Variants in LSAMP observed in about 807,000 individuals in gnomAD.
LSAMP encodes the protein limbic system-associated membrane protein.
A neutral mutation model predicts 38.6 loss-of-function variants in LSAMP; 7 were observed. That is an observed-to-expected ratio of 0.18 (90% CI 0.10 to 0.34). The LOEUF (loss-of-function observed/expected upper bound fraction) is 0.34, where lower values mean the gene tolerates loss of function less well. Among genes scored for constraint, LSAMP ranks in the 10% least tolerant of loss-of-function variants. The probability of loss-of-function intolerance (pLI) is 1.00; values close to 1 mark genes in which losing one functional copy is unlikely to be tolerated. For synonymous variants in LSAMP, 154 were observed against 166.8 expected, an observed-to-expected ratio of 0.92 and a Z score of 0.59; for missense variants, 313 against 420.0, an observed-to-expected ratio of 0.75 and a Z score of 2.23.
chr3:115,804,439 C>A lies in LSAMP; in HGVS notation c.*5878G>T, dbSNP rs1303560463. On this transcript the variant is annotated 3_prime_UTR_variant, in exon 7 of 7. Coordinates refer to ENST00000490035, the MANE Select transcript of LSAMP (RefSeq NM_002338.5). The stretch of plus-strand genomic sequence containing the variant: ...TTGTGGCTGAACTTGGGGTTAGAAC[C>A]CAATTCTCCTGACTCCCAATTCAAT... 6.6e-6 allele frequency: 1 copy of A among 152,118 alleles called. No homozygotes were observed. Among genetic ancestry groups the A allele is most frequent in the Non-Finnish European group, 1.5e-5 (1 of 68,012 alleles). The allele number at this position is 152,118 out of a possible 1,614,324, so 9.4% of individuals were successfully genotyped here. A position where few individuals can be genotyped will look rare whatever the true frequency, so the allele number is the denominator to read the frequency against.
chr3:115,919,996 G>A (rs1937345391), intron 3 of LSAMP, among the ~76,000 whole-genome samples: 1 of 149,356 alleles, frequency 6.7e-6, no homozygotes, highest in Non-Finnish European at 1.5e-5. Flanking sequence ...ACATCCTCAA[G>A]CTCCAACCAT....
intron 3 of LSAMP, among the ~76,000 whole-genome samples, chr3:115,996,024 A>C (rs1939805919): frequency 6.6e-6 from 1 of 151,970 alleles, no homozygotes; most frequent in Non-Finnish European, 1.5e-5. Flanking sequence ...AATACCTTAG[A>C]ATATATTTTA....
intron 1 of LSAMP, among the ~76,000 whole-genome samples, chr3:116,278,485 T>C (rs1164982889): frequency 1.3e-5 from 2 of 152,026 alleles, no homozygotes; most frequent in Non-Finnish European, 2.9e-5. Context: ...TTGGGAGAAA[T>C]AAACAAGAGA....
At chr3:115,937,972 AG>A (rs1205206596) in intron 3 of LSAMP, among the ~76,000 whole-genome samples, 1 of 152,182 alleles carries the variant, frequency 6.6e-6, no homozygotes, top group African/African-American at 2.4e-5. Flanking sequence ...TATGTGTGGA[AG>A]AAAAGGTTTT....
chr3:115,959,947 C>G (rs115040307), intron 3 of LSAMP, among the ~76,000 whole-genome samples: 104 of 152,236 alleles, frequency 6.8e-4, no homozygotes, highest in African/African-American at 2.5e-3. Context: ...ATAAAATGTT[C>G]TGGTGGCAAA....
intron 1 of LSAMP, among the ~76,000 whole-genome samples, chr3:116,181,328 C>T (rs1482344886): frequency 6.6e-6 from 1 of 151,868 alleles, no homozygotes; most frequent in Non-Finnish European, 1.5e-5. Context: ...TAGAGTTACA[C>T]TAACATAGTA....
chr3:116,159,770 T>C (rs996198865), intron 1 of LSAMP, among the ~76,000 whole-genome samples: 29 of 152,200 alleles, frequency 1.9e-4, no homozygotes, highest in Non-Finnish European at 1.5e-5. Flanking sequence ...TAAAGACACA[T>C]GCATGCTTAT....
In LSAMP at chr3:116,234,920, A is replaced by G. The variant is rs540944783; in HGVS notation, c.156-148364T>C. On this transcript the variant is annotated intron_variant, in intron 1 of 6. Coordinates refer to ENST00000490035, the MANE Select transcript of LSAMP (RefSeq NM_002338.5). ...TAATAATATGCTTTCTTCAAAATTGATAGCTCATATAAAGATACTAAAGGC... is the reference window on the plus strand; with the variant it reads ...TAATAATATGCTTTCTTCAAAATTGGTAGCTCATATAAAGATACTAAAGGC... 3.3e-5 allele frequency among the ~76,000 whole-genome samples: 5 copies of G among 152,312 alleles called. No homozygotes were observed. In the East Asian group the frequency reaches 5.8e-4, roughly 18 times the overall value.
At chr3:116,161,686 C>A (rs1709890206) in intron 1 of LSAMP, among the ~76,000 whole-genome samples, 2 of 152,188 alleles carry the variant, frequency 1.3e-5, no homozygotes, top group African/African-American at 4.8e-5. Context: ...AGGTTCCAAA[C>A]TGTCTACAGA....
chr3:115,970,394 C>G (rs1337137058), intron 3 of LSAMP, among the ~76,000 whole-genome samples: 2 of 152,152 alleles, frequency 1.3e-5, no homozygotes, highest in African/African-American at 4.8e-5. Flanking sequence ...ATAATTATAA[C>G]AGTAATCATA....
intron 1 of LSAMP, among the ~76,000 whole-genome samples, chr3:116,259,516 T>C (rs770611808): frequency 6.6e-6 from 1 of 152,148 alleles, no homozygotes; most frequent in Non-Finnish European, 1.5e-5. Flanking sequence ...AAAATAATTA[T>C]ATGTGTTTGT....
chr3:115,819,933 A>G (rs1407212342), intron 6 of LSAMP, among the ~76,000 whole-genome samples: 3 of 152,176 alleles, frequency 2.0e-5, no homozygotes, highest in Non-Finnish European at 4.4e-5. Context: ...ATGTGTTGCC[A>G]TCTTGTGGTA....
At chr3:116,111,655 A>G (rs141362238) in intron 1 of LSAMP, among the ~76,000 whole-genome samples, 269 of 152,158 alleles carry the variant, frequency 1.8e-3, no homozygotes, top group Middle Eastern at 3.4e-3. Flanking sequence ...GCCATAGGTT[A>G]TGAAAAATTT....
intron 1 of LSAMP, among the ~76,000 whole-genome samples, chr3:116,427,352 C>T (rs1156835964): frequency 1.3e-5 from 2 of 151,612 alleles, no homozygotes; most frequent in Non-Finnish European, 2.9e-5. Context: ...GATCTCCTGA[C>T]CTCATGATCC....
At chr3:116,311,610 C>T (rs895182577) in intron 1 of LSAMP, among the ~76,000 whole-genome samples, 15 of 152,150 alleles carry the variant, frequency 9.9e-5, no homozygotes, top group African/African-American at 3.4e-4. Flanking sequence ...AGGTTTAGAA[C>T]CGGACAACCA....
chr3:116,216,690 C>T (rs796133168), intron 1 of LSAMP, among the ~76,000 whole-genome samples: 4 of 150,866 alleles, frequency 2.7e-5, no homozygotes, highest in African/African-American at 9.9e-5. Context: ...GAAAAAAAAT[C>T]AACATCTTCA....
At chr3:116,376,566 T>G (rs1038197164) in intron 1 of LSAMP, among the ~76,000 whole-genome samples, 2 of 152,072 alleles carry the variant, frequency 1.3e-5, no homozygotes, top group East Asian at 1.9e-4. Flanking sequence ...ATAATATTTT[T>G]GTACTATTAA....
At chr3:116,272,153 T>A (rs914890795) in intron 1 of LSAMP, among the ~76,000 whole-genome samples, 12 of 151,540 alleles carry the variant, frequency 7.9e-5, no homozygotes, top group African/African-American at 2.9e-4. Context: ...CAAATAAATA[T>A]ATATATATAT....
At chr3:116,090,560 C>T (rs545895008) in intron 1 of LSAMP, among the ~76,000 whole-genome samples, 4 of 152,270 alleles carry the variant, frequency 2.6e-5, no homozygotes, top group South Asian at 2.1e-4. Flanking sequence ...TAGTTCTAAA[C>T]TTTATACTTA....
Sources: gnomAD v4.1 joint callset for allele counts (sites outside exome capture counted in the v4.1 genomes callset) on GRCh38, gnomAD v4.1.1 for gene constraint, MANE v1.5 for transcripts, NCBI Gene and HGNC (gene_info 2026-07-23, HGNC 2026-07-21) for gene names.